The following WDR12 variants were observed in gnomAD, a reference collection of about 807,000 sequenced individuals.
The protein encoded by WDR12 is WD repeat domain 12.
Under a neutral mutation model 64.3 loss-of-function variants are expected in WDR12, and 42 were observed. The ratio of observed to expected loss-of-function variants is 0.65; its 90% confidence interval spans 0.51 to 0.84. The LOEUF (loss-of-function observed/expected upper bound fraction) is 0.84. Ranked by LOEUF, WDR12 falls within the 40% of genes least tolerant of loss-of-function variation. The pLI is 0.00. For missense variants in WDR12, 469 were observed against 494.6 expected (o/e 0.95, Z 0.49); for synonymous variants, 158 against 173.3 (o/e 0.91, Z 0.70).
intron 4 of WDR12, 75 bp from the exon 5 acceptor site, chr2:202,897,490 A>G: frequency 1.3e-6 from 1 of 763,350 alleles, no homozygotes; most frequent in East Asian, 2.8e-5. Flanking sequence ...TGGCAATGAC[A>G]AAGTAACTTT....
At chr2:202,889,339 A>C (rs1360254693) in intron 8 of WDR12, among the ~76,000 whole-genome samples, 1 of 152,154 alleles carries the variant, frequency 6.6e-6, no homozygotes, top group Non-Finnish European at 1.5e-5. Flanking sequence ...ACTCTTACAA[A>C]TCAGTAAGTA....
At chr2:202,900,029 G>A (rs1688321585) in intron 3 of WDR12, among the ~76,000 whole-genome samples, 1 of 152,018 alleles carries the variant, frequency 6.6e-6, no homozygotes, top group Non-Finnish European at 1.5e-5. Context: ...GGGGGGGAAA[G>A]GAATATAAGA....
At chr2:202,911,400 C>T in intron 1 of WDR12, 36 bp downstream of exon 1, 1 of 1,609,838 alleles carries the variant, frequency 6.2e-7, no homozygotes, top group South Asian at 1.1e-5. Context: ...GGAAAGGAAC[C>T]TGGGGAAGGG....
chr2:202,906,958 ATTTT>A (rs112645694), intron 2 of WDR12, among the ~76,000 whole-genome samples: 2 of 145,212 alleles, frequency 1.4e-5, no homozygotes, highest in Non-Finnish European at 3.0e-5. Context: ...AAACTTCAAC[ATTTT>A]TTTTTTTTTT....
At chr2:202,896,242 A>G (rs368112514) in intron 5 of WDR12, 23 bp from the exon 6 acceptor site, 1 of 1,607,942 alleles carries the variant, frequency 6.2e-7, no homozygotes, top group African/African-American at 1.3e-5. Flanking sequence ...GAACACAAGA[A>G]TAAGAAACAA....
intron 7 of WDR12, among the ~76,000 whole-genome samples, chr2:202,894,275 C>T (rs1688202791): frequency 6.6e-6 from 1 of 151,762 alleles, no homozygotes; most frequent in African/African-American, 2.4e-5. Flanking sequence ...AGTGCAGTGG[C>T]ATGGTATCAT....
In WDR12 at chr2:202,911,552, A is replaced by G; in HGVS notation, c.-76T>C. ...CACAACACGAAGCTCCTGCCTTTTA[A>G]GACTACAAAGAGGCAGCTCAAAATT... On this transcript the variant is annotated 5_prime_UTR_variant, in exon 1 of 13. Coordinates refer to ENST00000261015, the MANE Select transcript of WDR12 (RefSeq NM_018256.4). The G allele has an allele frequency of 7.3e-7, 1 of 1,377,388 alleles. No individual in the cohort carries two copies. The highest frequency in any genetic ancestry group is 1.0e-6 in the Non-Finnish European group (1 of 964,976). The allele number at this position is 1,377,388 out of a possible 1,614,324, so 85.3% of individuals were successfully genotyped here. A position where few individuals can be genotyped will look rare whatever the true frequency, so the allele number is the denominator to read the frequency against.
intron 12 of WDR12, among the ~76,000 whole-genome samples, chr2:202,881,935 C>T (rs1687955164): frequency 6.6e-6 from 1 of 151,926 alleles, no homozygotes; most frequent in Non-Finnish European, 1.5e-5. Context: ...TTTACTATTC[C>T]TAGTATTATT....
rs1309272477 is a variant in WDR12 at position 202,875,241 on chromosome 2, T to C, written c.*5619A>G. ...CAATTCCTATTAGAATATACAGAAA[T>C]TGATCTTTATACATTTATATACTAT... is the stretch of plus-strand genomic sequence containing the variant. On this transcript the variant is annotated 3_prime_UTR_variant, in exon 13 of 13. Coordinates refer to ENST00000261015, the MANE Select transcript of WDR12 (RefSeq NM_018256.4). 6.6e-6 allele frequency: 1 copy of C among 152,140 alleles called. No individual in the cohort carries two copies. The highest frequency in any genetic ancestry group is 1.5e-5 in the Non-Finnish European group (1 of 68,040). 9.4% of individuals were successfully genotyped at this position (152,140 alleles called of 1,614,324 possible).
chr2:202,901,054 T>A lies in WDR12; in HGVS notation c.202A>T (p.Lys68Ter), dbSNP rs575385202. The change falls in exon 3 of 13, where the codon AAA becomes TAA. Residue 68 changes from lysine to a stop codon, truncating the protein, a stop_gained. Coordinates refer to ENST00000261015, the MANE Select transcript of WDR12 (RefSeq NM_018256.4). LOFTEE classifies it high-confidence loss of function. ...GAGATGTTCTCCATTTCCATGTGTT[T>A]GTCCAAGGGCATTCGCAGAAACTGG... ...KGQFLRMPLD[K>*]HMEMENISSE... is the part of the protein sequence containing the mutation. 3 of 1,593,976 alleles carry A rather than the reference T, an allele frequency of 1.9e-6. No individual in the cohort carries two copies. In the African/African-American group the frequency reaches 4.0e-5, roughly 21 times the overall value.
At chr2:202,885,135 G>C (rs565153439) in intron 8 of WDR12, among the ~76,000 whole-genome samples, 5 of 152,154 alleles carry the variant, frequency 3.3e-5, no homozygotes, top group Admixed American at 6.6e-5. Context: ...CAAAAACCAG[G>C]GCAGGCTGTT....
intron 8 of WDR12, 145 bp downstream of exon 8, chr2:202,892,472 C>A: frequency 6.2e-6 from 3 of 486,856 alleles, no homozygotes; most frequent in Non-Finnish European, 1.1e-5. Context: ...TAAAAATTTA[C>A]AAGTCTACTG....
intron 10 of WDR12, 41 bp from the exon 11 acceptor site, chr2:202,883,782 G>A: frequency 1.3e-6 from 2 of 1,594,408 alleles, no homozygotes; most frequent in Non-Finnish European, 1.7e-6. Context: ...TTTTAGAAAA[G>A]GGAAGTAGGT....
rs566859560 is a variant in WDR12, at chr2:202,911,296, G to A, written c.41+140C>T. On this transcript the variant is annotated intron_variant, in intron 1 of 12. Coordinates refer to ENST00000261015, the MANE Select transcript of WDR12 (RefSeq NM_018256.4). ...ACAATTCAAATTATATAGAACCTACGAAGCTGGTTAGAAAGCAGGTAATCT... is the reference window on the plus strand; with the variant it reads ...ACAATTCAAATTATATAGAACCTACAAAGCTGGTTAGAAAGCAGGTAATCT... The A allele has an allele frequency of 1.0e-5, 8 of 795,048 alleles. No individual in the cohort carries two copies. In the South Asian group the frequency reaches 1.1e-4, roughly 11 times the overall value. 49.2% of individuals were successfully genotyped at this position (795,048 alleles called of 1,614,324 possible). A position where few individuals can be genotyped will look rare whatever the true frequency, so the allele number is the denominator to read the frequency against.
intron 4 of WDR12, among the ~76,000 whole-genome samples, chr2:202,897,908 A>ATATATATATATATAT (rs1553541972): frequency 5.0e-5 from 2 of 40,048 alleles, no homozygotes; most frequent in Non-Finnish European, 9.9e-5. Flanking sequence ...AAAAAAAAAA[A>ATATATATATATATAT]ATATATATAT....
intron 1 of WDR12, among the ~76,000 whole-genome samples, chr2:202,909,082 G>A (rs1011168813): frequency 1.3e-5 from 2 of 152,176 alleles, no homozygotes; most frequent in Admixed American, 6.5e-5. Context: ...CCTGATTATT[G>A]CTGGCAGTAA....
chr2:202,902,796 C>T (rs1688372584), intron 2 of WDR12, among the ~76,000 whole-genome samples: 1 of 152,178 alleles, frequency 6.6e-6, no homozygotes, highest in African/African-American at 2.4e-5. Context: ...TGAGTCAATA[C>T]TCCTTAATAA....
In WDR12 at chr2:202,880,505, G is replaced by A. The variant is rs1350598859; in HGVS notation, c.*355C>T. On this transcript the variant is annotated 3_prime_UTR_variant, in exon 13 of 13. Coordinates refer to ENST00000261015, the MANE Select transcript of WDR12 (RefSeq NM_018256.4). The stretch of plus-strand genomic sequence containing the variant: ...GGAGGTTGCAGTGAGTTGAGATTGC[G>A]CCACTGCACTCCAGCCTAGGCAACA... 6.6e-5 allele frequency: 10 copies of A among 152,534 alleles called. No homozygotes were observed. Among genetic ancestry groups the A allele is most frequent in the East Asian group, 1.9e-4 (1 of 5,242 alleles). The allele number at this position is 152,534 out of a possible 1,614,324, so 9.4% of individuals were successfully genotyped here.
chr2:202,875,021 A>G lies in WDR12; in HGVS notation c.*5839T>C, dbSNP rs1280040514. The stretch of plus-strand genomic sequence containing the variant: ...TGTTTGACATGTTTCTAAACTTTGT[A>G]TCAGATAGTACCTAACAAGATACTT... On this transcript the variant is annotated 3_prime_UTR_variant, in exon 13 of 13. Transcript: ENST00000261015. 2 of 152,202 alleles carry G rather than the reference A, an allele frequency of 1.3e-5. No homozygotes were observed. The highest frequency in any genetic ancestry group is 2.4e-5 in the African/African-American group (1 of 41,460). 9.4% of individuals were successfully genotyped at this position (152,202 alleles called of 1,614,324 possible). A position where few individuals can be genotyped will look rare whatever the true frequency, so the allele number is the denominator to read the frequency against.
Sources: allele counts gnomAD v4.1 joint callset (sites outside exome capture counted in the v4.1 genomes callset), GRCh38; gene constraint gnomAD v4.1.1; transcripts MANE v1.5; gene names NCBI Gene and HGNC (gene_info 2026-07-23, HGNC 2026-07-21).